Variants in MACF1 observed in about 807,000 individuals in gnomAD.
MACF1 encodes microtubule-actin cross-linking factor 1.
MACF1 carries 193 observed loss-of-function variants against 854.8 expected under a neutral mutation model. The ratio of observed to expected loss-of-function variants is 0.23; its 90% confidence interval spans 0.20 to 0.25. The LOEUF is 0.25. Among genes scored for constraint, MACF1 ranks in the 10% least tolerant of loss-of-function variants. The pLI, the probability that MACF1 is intolerant of heterozygous loss-of-function variation, is 1.00. For synonymous variants in MACF1, 3,185 were observed against 3,226.7 expected (o/e 0.99, Z 0.44); for missense variants, 7,722 against 8,929.1 (o/e 0.86, Z 5.45).
At chr1:39,468,524 T>C (rs935209363) in intron 95 of MACF1, 91 bp from the exon 96 acceptor site, 1 of 1,002,484 alleles carries the variant, frequency 1.0e-6, no homozygotes, top group East Asian at 2.5e-5. Flanking sequence ...TATCAAATTG[T>C]CATTCCTGTC....
At chr1:39,187,808 C>T (rs1644192210) in intron 2 of MACF1, among the ~76,000 whole-genome samples, 1 of 151,234 alleles carries the variant, frequency 6.6e-6, no homozygotes, top group African/African-American at 2.4e-5. Context: ...GCTAATACTG[C>T]CTTTTAAGTC....
intron 97 of MACF1, among the ~76,000 whole-genome samples, chr1:39,477,075 A>ACATACACACACATATATACACTTAGTG (rs1331285017): frequency 3.9e-5 from 2 of 51,308 alleles, no homozygotes; most frequent in African/African-American, 2.2e-4. Context: ...ATATATATAT[A>ACATACACACACATATATACACTTAGTG]TATATATATA....
rs1388633542 is a variant in MACF1 at position 39,310,348 on chromosome 1, T to C, written c.3020T>C (p.Val1007Ala). ...QDSRDSVLFS[V>A]ADRLRLEEEV... The stretch of plus-strand genomic sequence containing the variant: ...AGTCGTGACTCTGTGCTGTTCTCAG[T>C]GGCTGATCGCTTGCGCTTGGAAGAG... The change falls in exon 25 of 101, where the codon GTG becomes GCG. Residue 1007 changes from valine (V) to alanine (A), a missense_variant. By Grantham distance (64) the Val-to-Ala change is moderately conservative. This residue lies in a region of MACF1 where 1,137 missense variants were observed against 1,263.0 expected (regional missense o/e 0.90). Coordinates refer to ENST00000564288, the MANE Select transcript of MACF1 (RefSeq NM_001394062.1). The C allele has an allele frequency of 7.4e-6, 12 of 1,614,058 alleles. No homozygotes were observed. Among genetic ancestry groups the C allele is most frequent in the Non-Finnish European group, 1.0e-5 (12 of 1,180,024 alleles).
intron 89 of MACF1, chr1:39,457,047 A>G (rs1644454326): frequency 6.6e-6 from 1 of 152,110 alleles, no homozygotes; most frequent in South Asian, 2.1e-4. Flanking sequence ...CTGACGTCTC[A>G]TTCTTGATGC....
intron 2 of MACF1, among the ~76,000 whole-genome samples, chr1:39,112,993 G>C (rs1388293131): frequency 6.6e-6 from 1 of 151,382 alleles, no homozygotes; most frequent in African/African-American, 2.4e-5. Flanking sequence ...AAAAAAAAAA[G>C]CAAAAACATC....
chr1:39,175,727 C>T (rs975455699), intron 2 of MACF1, among the ~76,000 whole-genome samples: 2 of 151,038 alleles, frequency 1.3e-5, no homozygotes, highest in Admixed American at 6.6e-5. Flanking sequence ...CTGAGGCAGG[C>T]GAATCACTTG....
At chr1:39,477,480 C>T (rs1644931145) in intron 97 of MACF1, among the ~76,000 whole-genome samples, 1 of 152,070 alleles carries the variant, frequency 6.6e-6, no homozygotes, top group Non-Finnish European at 1.5e-5. Flanking sequence ...TCCTCAGCCT[C>T]CCAAAGTGCT....
chr1:39,381,756 GGA>G (rs1406714971), intron 55 of MACF1, among the ~76,000 whole-genome samples, 195 bp from the exon 56 acceptor site: 2 of 152,108 alleles, frequency 1.3e-5, no homozygotes, highest in Non-Finnish European at 1.5e-5. Flanking sequence ...CTTGGGCCCA[GGA>G]GGTTGAGACT....
intron 85 of MACF1, 70 bp downstream of exon 85, chr1:39,451,281 C>T: frequency 7.0e-7 from 1 of 1,425,336 alleles, no homozygotes; most frequent in Non-Finnish European, 9.4e-7. Context: ...GGGTCTTCTA[C>T]ATATGACTGC....
At position 39,443,526 on chromosome 1, in the gene MACF1, C is replaced by T. The variant is rs1487647624; in HGVS notation, c.19383C>T (p.Pro6461=). 3 of 1,613,670 alleles carry T rather than the reference C, an allele frequency of 1.9e-6. No homozygotes were observed. Among genetic ancestry groups the T allele is most frequent in the Non-Finnish European group, 2.5e-6 (3 of 1,179,864 alleles). The change falls in exon 79 of 101, where the codon CCC becomes CCT. Residue 6461 remains proline, a synonymous_variant. Coordinates refer to ENST00000564288, the MANE Select transcript of MACF1 (RefSeq NM_001394062.1). ...AGAGCCAGCTTTCTGCATCTAAGCC[C>T]ACAGGAGGACTTCCTGAAACTGCTA... ...RMESQLSASK[P]TGGLPETARE...
chr1:39,315,002 A>AC (rs1489202151), intron 26 of MACF1, among the ~76,000 whole-genome samples: 1 of 152,190 alleles, frequency 6.6e-6, no homozygotes, highest in Non-Finnish European at 1.5e-5. Context: ...TTTGAGAGCC[A>AC]CCCTTAAATT....
At chr1:39,136,912 T>C (rs1427421768) in intron 2 of MACF1, among the ~76,000 whole-genome samples, 1 of 152,046 alleles carries the variant, frequency 6.6e-6, no homozygotes, top group Admixed American at 6.5e-5. Context: ...GTTTAACTTT[T>C]ACTTGTTTCT....
At chr1:39,463,985 A>G (rs1381120554) in intron 94 of MACF1, 8 of 269,046 alleles carry the variant, frequency 3.0e-5, no homozygotes, top group South Asian at 4.6e-5. Flanking sequence ...AAACAATTAT[A>G]TCTATTGACT....
chr1:39,359,088 A>G, intron 46 of MACF1, 53 bp from the exon 47 acceptor site: 1 of 1,607,142 alleles, frequency 6.2e-7, no homozygotes, highest in Non-Finnish European at 8.5e-7. Context: ...GATTCCTAGA[A>G]TCATCTTTGA....
chr1:39,365,047 A>G (rs966509106), intron 49 of MACF1, among the ~76,000 whole-genome samples: 15 of 151,956 alleles, frequency 9.9e-5, no homozygotes, highest in Non-Finnish European at 2.2e-4. Flanking sequence ...GAGTGCCCCA[A>G]TCCAAAATCT....
chr1:39,317,152 T>C (rs1283235446), intron 28 of MACF1, 62 bp from the exon 29 acceptor site: 2 of 1,527,506 alleles, frequency 1.3e-6, no homozygotes, highest in Non-Finnish European at 1.8e-6. Flanking sequence ...TTTCCCACCT[T>C]AGACTGACTC....
intron 29 of MACF1, 23 bp from the exon 30 acceptor site, chr1:39,318,430 G>T (rs746950504): frequency 5.0e-6 from 8 of 1,608,012 alleles, no homozygotes; most frequent in Non-Finnish European, 6.8e-6. Flanking sequence ...GTATCTGATA[G>T]CAGTTTCCCT....
chr1:39,158,842 A>C (rs989983005), intron 2 of MACF1, among the ~76,000 whole-genome samples: 2 of 152,206 alleles, frequency 1.3e-5, no homozygotes, highest in Non-Finnish European at 2.9e-5. Context: ...ATGTGGTCAA[A>C]GTCCAGTTCT....
chr1:39,418,556 T>C (rs753182034), intron 58 of MACF1, among the ~76,000 whole-genome samples: 3 of 152,158 alleles, frequency 2.0e-5, no homozygotes, highest in South Asian at 2.1e-4. Context: ...TCAGTCAGGA[T>C]AAAACTGGAA....
Sources: allele counts gnomAD v4.1 joint callset (sites outside exome capture counted in the v4.1 genomes callset), GRCh38; gene constraint gnomAD v4.1.1; regional missense constraint gnomAD v4.1.1; transcripts MANE v1.5; gene names NCBI Gene and HGNC (gene_info 2026-07-23, HGNC 2026-07-21).